Variants in ADK observed in about 807,000 individuals in gnomAD.
ADK encodes adenosine kinase.
A neutral mutation model predicts 44.7 loss-of-function variants in ADK; 24 were observed. The observed-to-expected ratio is 0.54, with a 90% CI of 0.39 to 0.76. The LOEUF (loss-of-function observed/expected upper bound fraction) is 0.76. ADK is among the 30% of genes least tolerant of loss of function. The pLI, the probability that ADK is intolerant of heterozygous loss-of-function variation, is 0.00. For synonymous variants in ADK, 128 were observed against 142.6 expected, an observed-to-expected ratio of 0.90 and a Z score of 0.73; for missense variants, 321 against 425.1, an observed-to-expected ratio of 0.76 and a Z score of 2.15.
At chr10:74,565,122 G>T (rs1349447632) in intron 7 of ADK, among the ~76,000 whole-genome samples, 3 of 152,116 alleles carry the variant, frequency 2.0e-5, no homozygotes, top group African/African-American at 7.2e-5. Flanking sequence ...ATAGTTTCTG[G>T]GACTGTAAAT....
chr10:74,235,381 CTGGAGTTGAG>C (rs2132280646), intron 3 of ADK, among the ~76,000 whole-genome samples: 1 of 152,260 alleles, frequency 6.6e-6, no homozygotes, highest in East Asian at 1.9e-4. Flanking sequence ...GTCGCCTAGA[CTGGAGTTGAG>C]TGGCATGATC....
At position 74,496,343 on chromosome 10, in the gene ADK, G is replaced by A. The variant is rs550435628; in HGVS notation, c.556-28913G>A. 1.4e-3 allele frequency among the ~76,000 whole-genome samples: 209 copies of A among 152,336 alleles called. 1 individual carries two copies. In the Middle Eastern group the frequency reaches 0.031, roughly 22 times the overall value. On this transcript the variant is annotated intron_variant, in intron 6 of 10. Transcript: ENST00000539909. Reference sequence around the variant, plus strand: ...CACATGTCAAGGGTGGGACCAGGTGGAGGTAATTGAATCATGGGGGTGGTT... The same window carrying A: ...CACATGTCAAGGGTGGGACCAGGTGAAGGTAATTGAATCATGGGGGTGGTT...
rs931456651 is a variant in ADK at position 74,687,305 on chromosome 10, C to T, written c.964+17036C>T. Among the ~76,000 whole-genome samples the T allele has an allele frequency of 4.8e-5, 7 of 147,182 alleles. 1 individual carries two copies. Among genetic ancestry groups the T allele is most frequent in the African/African-American group, 1.7e-4 (7 of 41,074 alleles). ...CCTACTCAGCTGCATTACGTGTCTG[C>T]GTCTTACTGTCTCACAGTCAGCTTC... On this transcript the variant is annotated intron_variant, in intron 10 of 10. Coordinates refer to ENST00000539909, the MANE Select transcript of ADK (RefSeq NM_006721.4).
chr10:74,355,776 G>C (rs181638184), intron 4 of ADK, among the ~76,000 whole-genome samples: 1 of 151,986 alleles, frequency 6.6e-6, no homozygotes, highest in Non-Finnish European at 1.5e-5. Flanking sequence ...TATATATAAA[G>C]ACTTAGGTTT....
At chr10:74,409,466 T>C (rs144745713) in intron 6 of ADK, among the ~76,000 whole-genome samples, 2 of 152,328 alleles carry the variant, frequency 1.3e-5, no homozygotes, top group African/African-American at 4.8e-5. Flanking sequence ...TAATAAGTCA[T>C]ATCTTGTCAA....
At chr10:74,192,526 C>A (rs974808619) in intron 1 of ADK, among the ~76,000 whole-genome samples, 34 of 141,514 alleles carry the variant, frequency 2.4e-4, no homozygotes, top group African/African-American at 1.0e-3. Flanking sequence ...GCACCTGGCC[C>A]ATTTTTTTTT....
intron 9 of ADK, among the ~76,000 whole-genome samples, chr10:74,602,105 CAAAAAAAAAA>C (rs58400071): frequency 8.2e-5 from 4 of 48,788 alleles, no homozygotes; most frequent in South Asian, 2.0e-3. Context: ...ACCCTGTCTC[CAAAAAAAAAA>C]AAAAAAAAAA....
intron 4 of ADK, among the ~76,000 whole-genome samples, chr10:74,348,995 A>G (rs1057453164): frequency 6.6e-6 from 1 of 152,126 alleles, no homozygotes. Context: ...ACACTTCAGG[A>G]TATTATCCAG....
chr10:74,703,741 G>A (rs894685564), intron 10 of ADK, among the ~76,000 whole-genome samples: 1 of 152,172 alleles, frequency 6.6e-6, no homozygotes, highest in Non-Finnish European at 1.5e-5. Context: ...TGATGTTGAT[G>A]TCCACACTGT....
At chr10:74,366,038 A>G (rs906466811) in intron 4 of ADK, among the ~76,000 whole-genome samples, 2 of 152,194 alleles carry the variant, frequency 1.3e-5, no homozygotes, top group African/African-American at 4.8e-5. Context: ...TGTATATTCA[A>G]CTTACTTTCC....
chr10:74,375,787 A>G (rs751915883), intron 4 of ADK, among the ~76,000 whole-genome samples: 5 of 152,130 alleles, frequency 3.3e-5, no homozygotes, highest in Admixed American at 6.6e-5. Flanking sequence ...TAGTTGGTGT[A>G]TGTGCCAAAG....
At chr10:74,581,292 T>G (rs1041306344) in intron 7 of ADK, among the ~76,000 whole-genome samples, 5 of 152,042 alleles carry the variant, frequency 3.3e-5, no homozygotes, top group Non-Finnish European at 7.4e-5. Flanking sequence ...AAATACCATG[T>G]CTGAGGTGAA....
At chr10:74,581,233 A>G (rs919983051) in intron 7 of ADK, among the ~76,000 whole-genome samples, 5 of 152,206 alleles carry the variant, frequency 3.3e-5, no homozygotes, top group Non-Finnish European at 2.9e-5. Context: ...TAATCCTATT[A>G]AAGAGTAATG....
intron 4 of ADK, among the ~76,000 whole-genome samples, chr10:74,320,947 C>A (rs910793637): frequency 1.3e-5 from 2 of 152,132 alleles, no homozygotes; most frequent in African/African-American, 4.8e-5. Context: ...ATTCATGCTT[C>A]CCAGAGATGA....
At chr10:74,431,066 CAAAAA>C (rs35141788) in intron 6 of ADK, among the ~76,000 whole-genome samples, 1 of 57,236 alleles carries the variant, frequency 1.7e-5, no homozygotes, top group African/African-American at 8.1e-5. Context: ...GACTCCGTCT[CAAAAA>C]AAAAAAAAAA....
chr10:74,362,957 A>G (rs975447631), intron 4 of ADK, among the ~76,000 whole-genome samples: 6 of 152,122 alleles, frequency 3.9e-5, no homozygotes, highest in African/African-American at 1.2e-4. Context: ...CCTCCCAACA[A>G]ATCTCTGCAC....
At chr10:74,219,981 C>A (rs1844231193) in intron 2 of ADK, among the ~76,000 whole-genome samples, 1 of 146,478 alleles carries the variant, frequency 6.8e-6, no homozygotes, top group Non-Finnish European at 1.5e-5. Context: ...AGAGCAAACA[C>A]ATTCAAAAGC....
chr10:74,162,518 CTT>C lies in ADK; in HGVS notation c.65+11178_65+11179del, dbSNP rs532570085. On this transcript the variant is annotated intron_variant, in intron 1 of 10. Transcript: ENST00000539909. ...AAGAAAGGTACTCCCGATTGCATTT[CTT>C]TTGTGTGTGTGTGTGTGTGTGTGTG... Among the ~76,000 whole-genome samples the C allele has an allele frequency of 1.1e-3, 131 of 122,086 alleles. 1 individual carries two copies. The South Asian group carries it at 0.031, about 29-fold the overall frequency. 80.1% of individuals were successfully genotyped at this position (122,086 alleles called of 152,430 possible).
intron 7 of ADK, among the ~76,000 whole-genome samples, chr10:74,551,190 G>C (rs778613746): frequency 1.3e-5 from 2 of 152,152 alleles, no homozygotes; most frequent in Admixed American, 6.5e-5. Flanking sequence ...AGAAAGGATA[G>C]TATTGGGATC....
Sources: gnomAD v4.1 joint callset for allele counts (sites outside exome capture counted in the v4.1 genomes callset) on GRCh38, gnomAD v4.1.1 for gene constraint, MANE v1.5 for transcripts, NCBI Gene and HGNC (gene_info 2026-07-23, HGNC 2026-07-21) for gene names.